The following TBL2 variants were observed in gnomAD, a reference collection of about 807,000 sequenced individuals.
TBL2 encodes the protein transducin beta-like protein 2.
Under a neutral mutation model 41.8 loss-of-function variants are expected in TBL2, and 33 were observed. That is an observed-to-expected ratio of 0.79 (90% CI 0.60 to 1.06). The LOEUF (loss-of-function observed/expected upper bound fraction) is 1.06. Among genes scored for constraint, TBL2 ranks in the 50% least tolerant of loss-of-function variants. The pLI, the probability that TBL2 is intolerant of heterozygous loss-of-function variation, is 0.00. For missense variants in TBL2, 522 were observed against 603.8 expected, an observed-to-expected ratio of 0.86 and a Z score of 1.42; for synonymous variants, 239 against 241.7, an observed-to-expected ratio of 0.99 and a Z score of 0.10.
rs782113001 is a variant in TBL2, at chr7:73,574,432, T to TTC, written c.210_211dup (p.Lys71ArgfsTer17). ...GTGGGTGAAGTTGTGTTGTTGAGGCTTCTCCTTCCGAATCCGCTGATATTG... is the reference window on the plus strand; with the variant it reads ...GTGGGTGAAGTTGTGTTGTTGAGGCTTCTCTCCTTCCGAATCCGCTGATATTG... On this transcript the variant is annotated frameshift_variant, in exon 2 of 7. Transcript: ENST00000305632. LOFTEE classifies it high-confidence loss of function. 10 of 1,614,136 alleles carry TTC rather than the reference T, an allele frequency of 6.2e-6. No homozygotes were observed. In the South Asian group the frequency reaches 9.9e-5, roughly 16 times the overall value.
intron 4 of TBL2, 117 bp downstream of exon 4, chr7:73,573,203 A>T (rs1181357045): frequency 6.8e-7 from 1 of 1,474,916 alleles, no homozygotes; most frequent in African/African-American, 1.4e-5. Flanking sequence ...AGAGCCAGGG[A>T]CCCCTTGTTC....
chr7:73,572,705 A>T (rs1793034949), intron 5 of TBL2, 139 bp downstream of exon 5: 6 of 1,155,758 alleles, frequency 5.2e-6, no homozygotes, highest in Non-Finnish European at 6.2e-6. Flanking sequence ...GCAAGTGGGG[A>T]GAGCTGAGAC....
At chr7:73,571,158 A>G in intron 6 of TBL2, 31 bp downstream of exon 6, 1 of 1,613,384 alleles carries the variant, frequency 6.2e-7, no homozygotes. Flanking sequence ...GCCAAGAGCC[A>G]CTGGTCAGAC....
At chr7:73,577,207 C>A (rs1341559277) in intron 1 of TBL2, among the ~76,000 whole-genome samples, 1 of 146,248 alleles carries the variant, frequency 6.8e-6, no homozygotes, top group Non-Finnish European at 1.5e-5. Flanking sequence ...TTGCAGTGAG[C>A]CGAGATCCCG....
chr7:73,578,422 G>A lies in TBL2; in HGVS notation c.128C>T (p.Ala43Val), dbSNP rs1793477430. ...CCACCCGACCCGGCCCCACTTACAG[G>A]CGGGCCGGCCGCTCCTCTCCTCCCC... The part of the protein sequence containing the change: ...RAGEERSGRP[A>V]CQKANGFPPD... Residue 43 changes from alanine (A) to valine (V), a missense_variant and splice_region_variant, in exon 1 of 7, where the codon GCC becomes GTC. Ala to Val is a moderately conservative substitution (Grantham distance 64, BLOSUM62 0). Transcript: ENST00000305632. The A allele has an allele frequency of 1.3e-6, 2 of 1,526,404 alleles. No homozygotes were observed. Among genetic ancestry groups the A allele is most frequent in the Admixed American group, 4.1e-5 (2 of 48,272 alleles). The allele number at this position is 1,526,404 out of a possible 1,614,324, so 94.6% of individuals were successfully genotyped here. A position where few individuals can be genotyped will look rare whatever the true frequency, so the allele number is the denominator to read the frequency against.
chr7:73,570,522 AC>A lies in TBL2; in HGVS notation c.1328del (p.Gly443ValfsTer3). 1 of 1,568,178 alleles carries A rather than the reference AC, an allele frequency of 6.4e-7. No homozygotes were observed. Among genetic ancestry groups the A allele is most frequent in the South Asian group, 1.2e-5 (1 of 84,162 alleles). ...TQAQETLKSL[G>X]ALKK ...CCTCCCAGAGTCACTTCTTCAGGGC[AC>A]CCAGGCTCTTCAGGGTCTCTTGGGC... On this transcript the variant is annotated frameshift_variant, in exon 7 of 7. Transcript: ENST00000305632. LOFTEE classifies it high-confidence loss of function.
In TBL2 at chr7:73,570,105, C is replaced by A; in HGVS notation, c.*402G>T. 1 of 165,258 alleles carries A rather than the reference C, an allele frequency of 6.1e-6. No individual in the cohort carries two copies. Among genetic ancestry groups the A allele is most frequent in the Non-Finnish European group, 1.3e-5 (1 of 76,646 alleles). 10.2% of individuals were successfully genotyped at this position (165,258 alleles called of 1,614,324 possible). A position where few individuals can be genotyped will look rare whatever the true frequency, so the allele number is the denominator to read the frequency against. ...AAGCTATCCCAGTCTCCCATCCTTG[C>A]AAAACTGCTGCTTAGTACTCAGGTG... On this transcript the variant is annotated 3_prime_UTR_variant, in exon 7 of 7. Coordinates refer to ENST00000305632, the MANE Select transcript of TBL2 (RefSeq NM_012453.4).
Position 73,572,861 on chromosome 7 carries a change from A to G in TBL2, c.708T>C (p.Ala236=), listed in dbSNP as rs1321371484. ...NTNQMNNTHA[A]VSPCGRFVAS... is the part of the protein sequence containing the mutation. ...TTGCCCACCTGCCACAGGGAGATACAGCAGCGTGTGTGTTGTTCATCTGGT... is the reference window on the plus strand; with the variant it reads ...TTGCCCACCTGCCACAGGGAGATACGGCAGCGTGTGTGTTGTTCATCTGGT... The change falls in exon 5 of 7, where the codon GCT becomes GCC. Residue 236 remains alanine (A), a synonymous_variant. Transcript: ENST00000305632. 1 of 1,614,098 alleles carries G rather than the reference A, an allele frequency of 6.2e-7. No individual in the cohort carries two copies. Among genetic ancestry groups the G allele is most frequent in the Non-Finnish European group, 8.5e-7 (1 of 1,179,996 alleles).
At position 73,574,413 on chromosome 7, in the gene TBL2, G is replaced by A. The variant is rs782173531; in HGVS notation, c.231C>T (p.Phe77=). ...IRKEKPQQHN[F]THRLLAAALK... Reference sequence around the variant, plus strand: ...GAGCTGCAGCCAGGAGGCGGTGGGTGAAGTTGTGTTGTTGAGGCTTCTCCT... The same window carrying A: ...GAGCTGCAGCCAGGAGGCGGTGGGTAAAGTTGTGTTGTTGAGGCTTCTCCT... The change falls in exon 2 of 7, where the codon TTC becomes TTT. Residue 77 remains phenylalanine, a synonymous_variant. Transcript: ENST00000305632. The A allele has an allele frequency of 1.1e-5, 18 of 1,613,826 alleles. No individual in the cohort carries two copies. The South Asian group carries it at 1.4e-4, about 13-fold the overall frequency.
rs1184763453 is a variant in TBL2 at position 73,572,695 on chromosome 7, G to GC, written c.725+148dup. The GC allele has an allele frequency of 5.8e-6, 6 of 1,034,478 alleles. No individual in the cohort carries two copies. In the African/African-American group the frequency reaches 9.6e-5, roughly 17 times the overall value. 64.1% of individuals were successfully genotyped at this position (1,034,478 alleles called of 1,614,324 possible). ...GCGACCTGCATGAAATCCCACTACT[G>GC]CAAGTGGGGAGAGCTGAGACTTGAA... On this transcript the variant is annotated intron_variant, in intron 5 of 6. Transcript: ENST00000305632.
At chr7:73,575,499 T>C (rs1051489839) in intron 1 of TBL2, among the ~76,000 whole-genome samples, 1 of 152,152 alleles carries the variant, frequency 6.6e-6, no homozygotes, top group East Asian at 1.9e-4. Flanking sequence ...TTCACCACAT[T>C]AGCCAGAATG....
At chr7:73,574,613 C>G in intron 1 of TBL2, 100 bp from the exon 2 acceptor site, 1 of 1,521,954 alleles carries the variant, frequency 6.6e-7, no homozygotes, top group Non-Finnish European at 9.0e-7. Flanking sequence ...AGGAGATTAA[C>G]CAGATATGGC....
At chr7:73,575,660 C>T (rs1793265832) in intron 1 of TBL2, among the ~76,000 whole-genome samples, 1 of 152,148 alleles carries the variant, frequency 6.6e-6, no homozygotes, top group East Asian at 1.9e-4. Context: ...TCCAACTCCT[C>T]ACCTCAAGTG....
intron 5 of TBL2, chr7:73,571,574 T>C: frequency 2.2e-6 from 1 of 448,400 alleles, no homozygotes; most frequent in Non-Finnish European, 4.1e-6. Flanking sequence ...CTGGCCAACA[T>C]GGTGAAACCT....
chr7:73,571,522 C>T (rs1248093116), intron 5 of TBL2, 181 bp from the exon 6 acceptor site: 8 of 712,632 alleles, frequency 1.1e-5, no homozygotes, highest in African/African-American at 3.6e-5. Flanking sequence ...TTTGGGAGGC[C>T]GAGGTGGGTG....
At chr7:73,576,165 G>A (rs558254016) in intron 1 of TBL2, among the ~76,000 whole-genome samples, 96 of 151,656 alleles carry the variant, frequency 6.3e-4, no homozygotes, top group African/African-American at 2.3e-3. Context: ...GCTCATGCCT[G>A]TAATCCCAGC....
rs113406435 is a variant in TBL2 at position 73,574,476 on chromosome 7, C to T, written c.168G>A (p.Ser56=). The change falls in exon 2 of 7, where the codon TCG becomes TCA. Residue 56 remains serine, a synonymous_variant. Coordinates refer to ENST00000305632, the MANE Select transcript of TBL2 (RefSeq NM_012453.4). ...GATATTGTTTCTGCTTCTTGGATCC[C>T]GAAGATTTGTCAGGTGGAAATCCAT... The part of the protein sequence containing the change: ...KANGFPPDKS[S]GSKKQKQYQR... 29 of 1,614,132 alleles carry T rather than the reference C, an allele frequency of 1.8e-5. No homozygotes were observed. The African/African-American group carries it at 2.1e-4, about 12-fold the overall frequency.
chr7:73,572,106 A>C (rs1584026405), intron 5 of TBL2: 1 of 156,388 alleles, frequency 6.4e-6, no homozygotes, highest in East Asian at 1.9e-4. Context: ...TCTTTTATGT[A>C]TGTGACCTCA....
rs185080024 is a variant in TBL2 at position 73,571,192 on chromosome 7, C to T, written c.875G>A (p.Arg292Gln). Residue 292 changes from arginine (R) to glutamine (Q), a missense_variant, in exon 6 of 7, where the codon CGG becomes CAG. Coordinates refer to ENST00000305632, the MANE Select transcript of TBL2 (RefSeq NM_012453.4). Reference sequence around the variant, plus strand: ...ACATCAGAGCGGATTCACTCACCTCCGTGAGTCGTTGGAGAAAGCAAACGA... The same window carrying T: ...ACATCAGAGCGGATTCACTCACCTCTGTGAGTCGTTGGAGAAAGCAAACGA... ...VHSFAFSNDSRRMASVSKDGT... is the reference protein window; with the variant it reads ...VHSFAFSNDSQRMASVSKDGT... 1.6e-4 allele frequency: 253 copies of T among 1,614,208 alleles called. 1 individual carries two copies. The highest frequency in any genetic ancestry group is 1.6e-4 in the Non-Finnish European group (191 of 1,180,046).
Sources: gnomAD v4.1 joint callset for allele counts (sites outside exome capture counted in the v4.1 genomes callset) on GRCh38, gnomAD v4.1.1 for gene constraint, MANE v1.5 for transcripts, NCBI Gene and HGNC (gene_info 2026-07-23, HGNC 2026-07-21) for gene names.